Variants in USP49 observed in about 807,000 individuals in gnomAD.
USP49 encodes the protein ubiquitin carboxyl-terminal hydrolase 49.
USP49 carries 24 observed loss-of-function variants against 58.6 expected under a neutral mutation model. That is an observed-to-expected ratio of 0.41 (90% CI 0.30 to 0.58). USP49 has a LOEUF of 0.58. Ranked by LOEUF, USP49 falls within the 20% of genes least tolerant of loss-of-function variation. The probability of loss-of-function intolerance (pLI) is 0.30; values close to 1 mark genes in which losing one functional copy is unlikely to be tolerated. For missense variants in USP49, 703 were observed against 866.1 expected (o/e 0.81, Z 2.36); for synonymous variants, 408 against 365.1 (o/e 1.12, Z -1.34).
At chr6:41,825,878 C>T (rs1223935000) in intron 3 of USP49, among the ~76,000 whole-genome samples, 1 of 152,206 alleles carries the variant, frequency 6.6e-6, no homozygotes, top group African/African-American at 2.4e-5. Flanking sequence ...ACAACAGTCT[C>T]ATCAAACCAC....
chr6:41,888,109 G>A (rs988881815), intron 2 of USP49, among the ~76,000 whole-genome samples: 1 of 144,968 alleles, frequency 6.9e-6, no homozygotes, highest in African/African-American at 2.6e-5. Context: ...GGCTGGAATG[G>A]AGTGGCACAA....
Position 41,805,916 on chromosome 6 carries a change from G to A in USP49, c.1068C>T (p.Ser356=). Residue 356 remains serine (S), a synonymous_variant, in exon 4 of 8, where the codon TCC becomes TCT. Coordinates refer to ENST00000682992, the MANE Select transcript of USP49 (RefSeq NM_001286554.2). ...AGAGGGTGTGCAGTTCACGGCAGAG[G>A]GAAATGTGCTTTGAACTCGGCTCCT... ...QNKEPSSKHI[S]LCRELHTLFR... The A allele has an allele frequency of 6.2e-7, 1 of 1,614,012 alleles. No individual in the cohort carries two copies. The highest frequency in any genetic ancestry group is 2.2e-5 in the East Asian group (1 of 44,884).
At chr6:41,831,580 C>CA (rs57125790) in intron 3 of USP49, among the ~76,000 whole-genome samples, 73 of 114,244 alleles carry the variant, frequency 6.4e-4, no homozygotes, top group East Asian at 3.9e-3. Flanking sequence ...AACTCCATCT[C>CA]AAAAAAAAAA....
Position 41,809,814 on chromosome 6 carries a change from G to A in USP49, c.-28-2803C>T, listed in dbSNP as rs556269507. ...GGCACTCCAGCCTGGGTGACAGAGC[G>A]AGACTCCGTCTCAAAAAATAAATAG... On this transcript the variant is annotated intron_variant, in intron 3 of 7. Transcript: ENST00000682992. Among the ~76,000 whole-genome samples, 422 of 130,894 alleles carry A rather than the reference G, an allele frequency of 3.2e-3. 3 individuals are homozygous for A. The highest frequency in any genetic ancestry group is 0.011 in the African/African-American group (373 of 34,624). 85.9% of individuals were successfully genotyped at this position (130,894 alleles called of 152,430 possible).
At chr6:41,867,466 G>A (rs1233016787) in intron 3 of USP49, among the ~76,000 whole-genome samples, 4 of 152,086 alleles carry the variant, frequency 2.6e-5, no homozygotes, top group East Asian at 1.9e-4. Context: ...TCTTCTGGCC[G>A]GGCGCGGTGG....
chr6:41,809,207 G>A (rs1035104490), intron 3 of USP49, among the ~76,000 whole-genome samples: 1 of 148,056 alleles, frequency 6.8e-6, no homozygotes, highest in Non-Finnish European at 1.5e-5. Flanking sequence ...CACCACACCT[G>A]GCCTAGTCTC....
intron 6 of USP49, among the ~76,000 whole-genome samples, chr6:41,799,217 C>A (rs1023001606): frequency 5.9e-5 from 9 of 151,944 alleles, no homozygotes; most frequent in Admixed American, 3.3e-4. Flanking sequence ...GTGATCCCCC[C>A]ACCTCAGCCT....
chr6:41,833,420 T>A (rs941849042), intron 3 of USP49, among the ~76,000 whole-genome samples: 2 of 152,182 alleles, frequency 1.3e-5, no homozygotes, highest in Admixed American at 1.3e-4. Flanking sequence ...TATAATCAAA[T>A]ATTTCTTTTA....
At chr6:41,861,397 C>T (rs1028287212) in intron 3 of USP49, among the ~76,000 whole-genome samples, 1 of 151,464 alleles carries the variant, frequency 6.6e-6, no homozygotes, top group Non-Finnish European at 1.5e-5. Flanking sequence ...GAGCCAAGAT[C>T]GCGCCACTGC....
In USP49 at chr6:41,806,911, A is replaced by C; in HGVS notation, c.73T>G (p.Cys25Gly). ...DHSILNPQKW[C>G]CLECATTESV... is the part of the protein sequence containing the mutation. ...TCGGTGGTGGCACACTCTAAGCAGC[A>C]CCACTTCTGAGGGTTCAGGATGGAG... Residue 25 changes from cysteine (C) to glycine (G), a missense_variant, in exon 4 of 8, where the codon TGC (cysteine) becomes GGC (glycine). Cys to Gly is a radical substitution (Grantham distance 159). Transcript: ENST00000682992. The surrounding 1 kb of genome is among the most constrained non-coding windows in gnomAD (Gnocchi z 5.9). 6.2e-7 allele frequency: 1 copy of C among 1,613,398 alleles called. No individual in the cohort carries two copies. Among genetic ancestry groups the C allele is most frequent in the Non-Finnish European group, 8.5e-7 (1 of 1,179,874 alleles).
chr6:41,810,162 TAAATA>T (rs1229260752), intron 3 of USP49, among the ~76,000 whole-genome samples: 1 of 148,114 alleles, frequency 6.8e-6, no homozygotes, highest in African/African-American at 2.5e-5. Context: ...AAAAAATAAA[TAAATA>T]AAAATAAAAA....
chr6:41,849,818 A>G (rs116732142), intron 3 of USP49, among the ~76,000 whole-genome samples: 2,556 of 152,082 alleles, frequency 0.017, 54 homozygotes, highest in African/African-American at 0.051. Context: ...ATGTTGGCCA[A>G]TATGGTCTTG....
At chr6:41,808,878 C>G (rs1581995240) in intron 3 of USP49, among the ~76,000 whole-genome samples, 1 of 152,188 alleles carries the variant, frequency 6.6e-6, no homozygotes. Context: ...GCCTAGCCAA[C>G]ATAGACCTGT....
chr6:41,798,657 A>T, intron 7 of USP49, 67 bp downstream of exon 7: 3 of 1,609,128 alleles, frequency 1.9e-6, no homozygotes, highest in Non-Finnish European at 2.6e-6. Context: ...ATAAAAGGAA[A>T]ACAATAAAAT....
Position 41,791,008 on chromosome 6 carries a change from A to C in USP49, c.*5525T>G, listed in dbSNP as rs1010934220. The C allele has an allele frequency of 6.6e-5, 10 of 152,236 alleles. No homozygotes were observed. Among genetic ancestry groups the C allele is most frequent in the African/African-American group, 2.4e-4 (10 of 41,456 alleles). 9.4% of individuals were successfully genotyped at this position (152,236 alleles called of 1,614,324 possible). A position where few individuals can be genotyped will look rare whatever the true frequency, so the allele number is the denominator to read the frequency against. On this transcript the variant is annotated 3_prime_UTR_variant, in exon 8 of 8. Transcript: ENST00000682992. The stretch of plus-strand genomic sequence containing the variant: ...CCTGCATCAGATCACTTGCTAAGAC[A>C]AGAAATACCAGCACCTCCTGTTCTT...
intron 2 of USP49, among the ~76,000 whole-genome samples, chr6:41,886,782 C>G (rs1774719641): frequency 6.6e-6 from 1 of 151,900 alleles, no homozygotes; most frequent in Admixed American, 6.6e-5. Flanking sequence ...GCCTGTAGTC[C>G]TAGCTACTCT....
At chr6:41,873,277 C>T (rs768304076) in intron 2 of USP49, among the ~76,000 whole-genome samples, 12 of 152,108 alleles carry the variant, frequency 7.9e-5, no homozygotes, top group Admixed American at 2.6e-4. Context: ...TCTATTTTGC[C>T]CCTTTCTTCA....
intron 3 of USP49, among the ~76,000 whole-genome samples, chr6:41,869,099 A>ATTTTTTTTTTTTTTTTTT (rs1774372542): frequency 7.2e-6 from 1 of 139,676 alleles, no homozygotes; most frequent in African/African-American, 2.7e-5. Flanking sequence ...TTTTTTTTTA[A>ATTTTTTTTTTTTTTTTTT]TTTTAACACC....
chr6:41,808,727 A>T (rs751258516), intron 3 of USP49, among the ~76,000 whole-genome samples: 17 of 151,748 alleles, frequency 1.1e-4, no homozygotes, highest in Non-Finnish European at 5.9e-5. Context: ...AACTATTTTA[A>T]AAGAAAACTT....
Sources: gnomAD v4.1 joint callset for allele counts (sites outside exome capture counted in the v4.1 genomes callset) on GRCh38, gnomAD v4.1.1 for gene constraint, Gnocchi (gnomAD v3.1) non-coding constraint, MANE v1.5 for transcripts, NCBI Gene and HGNC (gene_info 2026-07-23, HGNC 2026-07-21) for gene names.